The following CDIN1 variants were observed in gnomAD, a reference collection of about 807,000 sequenced individuals.
CDIN1 encodes the protein CDAN1 interacting nuclease 1.
In CDIN1, 33 loss-of-function variants were observed where a neutral mutation model predicts 45.3. The observed-to-expected ratio is 0.73, with a 90% CI of 0.55 to 0.97. The LOEUF is 0.97. Ranked by LOEUF, CDIN1 falls within the 50% of genes least tolerant of loss-of-function variation. The pLI is 0.00. For synonymous variants in CDIN1, 118 were observed against 124.4 expected (o/e 0.95, Z 0.34); for missense variants, 303 against 339.4 (o/e 0.89, Z 0.84).
intron 10 of CDIN1, among the ~76,000 whole-genome samples, chr15:36,805,717 G>T (rs2055204848): frequency 6.6e-6 from 1 of 152,112 alleles, no homozygotes; most frequent in Non-Finnish European, 1.5e-5. Context: ...TCATAAACAG[G>T]TAGGTTGCTG....
intron 5 of CDIN1, among the ~76,000 whole-genome samples, chr15:36,673,926 G>A (rs1260928089): frequency 6.6e-6 from 1 of 152,034 alleles, no homozygotes; most frequent in Non-Finnish European, 1.5e-5. Context: ...AGGTGAGAAT[G>A]AGATTTTTTT....
At chr15:36,796,321 T>C (rs988310362) in intron 10 of CDIN1, among the ~76,000 whole-genome samples, 13 of 152,180 alleles carry the variant, frequency 8.5e-5, no homozygotes, top group African/African-American at 2.7e-4. Context: ...ACTTTATAGA[T>C]AGAGAAATCT....
chr15:36,800,879 A>ATG (rs1163549097), intron 10 of CDIN1, among the ~76,000 whole-genome samples: 120 of 82,496 alleles, frequency 1.5e-3, no homozygotes, highest in African/African-American at 3.7e-3. Flanking sequence ...GTGTGTATAT[A>ATG]TGTGTGTGTG....
At position 36,743,649 on chromosome 15, in the gene CDIN1, T is replaced by C. The variant is rs140144852; in HGVS notation, c.716+33688T>C. Among the ~76,000 whole-genome samples the C allele has an allele frequency of 8.9e-4, 135 of 152,140 alleles. 1 individual carries two copies. The highest frequency in any genetic ancestry group is 3.1e-3 in the African/African-American group (129 of 41,512). ...GCTCACACCTGTAATTCCAGCACTT[T>C]GGGAGGCTGAGGCAGGAGGGATGCT... On this transcript the variant is annotated intron_variant, in intron 10 of 10. Coordinates refer to ENST00000566621, the MANE Select transcript of CDIN1 (RefSeq NM_001321759.2).
At chr15:36,664,574 G>T (rs567157714) in intron 5 of CDIN1, among the ~76,000 whole-genome samples, 35 of 151,974 alleles carry the variant, frequency 2.3e-4, no homozygotes, top group African/African-American at 8.4e-4. Flanking sequence ...TTGAGACGGA[G>T]TCTCGCTCTG....
chr15:36,691,063 T>G (rs1435426298), intron 5 of CDIN1: 1 of 479,222 alleles, frequency 2.1e-6, no homozygotes, highest in Non-Finnish European at 4.1e-6. Flanking sequence ...TGTGTGTCTC[T>G]CTCTGTATAT....
intron 1 of CDIN1, among the ~76,000 whole-genome samples, chr15:36,619,692 AT>A (rs34120023): frequency 6.6e-6 from 1 of 152,042 alleles, no homozygotes; most frequent in African/African-American, 2.4e-5. Context: ...GAGAGGAAAT[AT>A]TTTTTGAAGA....
At chr15:36,728,106 T>C (rs146573581) in intron 10 of CDIN1, among the ~76,000 whole-genome samples, 13 of 152,342 alleles carry the variant, frequency 8.5e-5, no homozygotes, top group Non-Finnish European at 1.3e-4. Flanking sequence ...GATACACAGG[T>C]AGTTCTTTCC....
At chr15:36,712,280 T>TG (rs2043081012) in intron 10 of CDIN1, among the ~76,000 whole-genome samples, 1 of 146,560 alleles carries the variant, frequency 6.8e-6, no homozygotes, top group Non-Finnish European at 1.5e-5. Context: ...TTTTTTTTTT[T>TG]TTTGAGATGG....
chr15:36,605,648 T>C (rs2038328270), intron 1 of CDIN1, among the ~76,000 whole-genome samples: 1 of 152,166 alleles, frequency 6.6e-6, no homozygotes, highest in East Asian at 1.9e-4. Flanking sequence ...GAATTTAGAG[T>C]GTTGTTGACT....
At chr15:36,771,160 T>A (rs1298885377) in intron 10 of CDIN1, among the ~76,000 whole-genome samples, 1 of 152,148 alleles carries the variant, frequency 6.6e-6, no homozygotes, top group Non-Finnish European at 1.5e-5. Context: ...TTACTTAAGA[T>A]TTTTATATTT....
At chr15:36,657,264 C>G (rs897169640) in intron 4 of CDIN1, among the ~76,000 whole-genome samples, 3 of 151,944 alleles carry the variant, frequency 2.0e-5, no homozygotes, top group African/African-American at 7.2e-5. Flanking sequence ...AACATCTCTG[C>G]AATGTAGTTG....
chr15:36,764,296 A>G (rs188950864), intron 10 of CDIN1, among the ~76,000 whole-genome samples: 3 of 147,056 alleles, frequency 2.0e-5, no homozygotes, highest in African/African-American at 5.0e-5. Flanking sequence ...TTTCTGCACC[A>G]TGATGTGACT....
chr15:36,739,559 TTA>T (rs1286058434), intron 10 of CDIN1, among the ~76,000 whole-genome samples: 1 of 152,240 alleles, frequency 6.6e-6, no homozygotes, highest in Non-Finnish European at 1.5e-5. Flanking sequence ...TGGTATTGTT[TTA>T]TATGTTATCA....
In CDIN1 at chr15:36,579,854, G is replaced by A. The variant is rs779163888; in HGVS notation, c.-7G>A. 1.2e-6 allele frequency: 2 copies of A among 1,611,306 alleles called. No homozygotes were observed. The highest frequency in any genetic ancestry group is 3.4e-5 in the Admixed American group (2 of 59,622). ...TGTTCCCGCCACCTCCTGGTCCCTGGCCCAACATGATACTGACCAAAGCTC... is the reference window on the plus strand; with the variant it reads ...TGTTCCCGCCACCTCCTGGTCCCTGACCCAACATGATACTGACCAAAGCTC... On this transcript the variant is annotated 5_prime_UTR_variant, in exon 1 of 11. Coordinates refer to ENST00000566621, the MANE Select transcript of CDIN1 (RefSeq NM_001321759.2).
At chr15:36,695,053 G>A (rs1003118486) in intron 7 of CDIN1, among the ~76,000 whole-genome samples, 2 of 152,190 alleles carry the variant, frequency 1.3e-5, no homozygotes, top group African/African-American at 4.8e-5. Flanking sequence ...ACAGCCATGT[G>A]CCTTGGAAGG....
intron 5 of CDIN1, among the ~76,000 whole-genome samples, chr15:36,674,175 A>G (rs1172839281): frequency 6.6e-6 from 1 of 152,148 alleles, no homozygotes; most frequent in Admixed American, 6.6e-5. Context: ...AAGTGTTATT[A>G]TTTACTGCAG....
chr15:36,614,308 G>C, intron 1 of CDIN1: 1 of 574,842 alleles, frequency 1.7e-6, no homozygotes, highest in African/African-American at 1.8e-5. Context: ...TTAACTGGAA[G>C]GCTGCTTTCT....
chr15:36,784,289 G>C (rs938992848), intron 10 of CDIN1, among the ~76,000 whole-genome samples: 2 of 152,188 alleles, frequency 1.3e-5, no homozygotes, highest in Admixed American at 6.5e-5. Flanking sequence ...GTAAAGAGTA[G>C]GGAGGAAGTG....
Sources: allele counts gnomAD v4.1 joint callset (sites outside exome capture counted in the v4.1 genomes callset), GRCh38; gene constraint gnomAD v4.1.1; transcripts MANE v1.5; gene names NCBI Gene and HGNC (gene_info 2026-07-23, HGNC 2026-07-21).